The following GPC6 variants were observed in gnomAD, a reference collection of about 807,000 sequenced individuals.
The protein encoded by GPC6 is glypican-6.
In GPC6, 14 loss-of-function variants were observed where a neutral mutation model predicts 55.2. That is an observed-to-expected ratio of 0.25 (90% confidence interval 0.17 to 0.40). The LOEUF (loss-of-function observed/expected upper bound fraction) is 0.40. GPC6 is among the 10% of genes least tolerant of loss of function. The pLI is 1.00. For synonymous variants in GPC6, 278 were observed against 259.6 expected (o/e 1.07, Z -0.68); for missense variants, 641 against 708.5 (o/e 0.90, Z 1.08).
At chr13:93,421,847 A>G (rs778438365) in intron 1 of GPC6, among the ~76,000 whole-genome samples, 9 of 152,178 alleles carry the variant, frequency 5.9e-5, no homozygotes, top group Non-Finnish European at 1.3e-4. Flanking sequence ...AACTGTTATT[A>G]AAGTGGATGC....
intron 2 of GPC6, among the ~76,000 whole-genome samples, chr13:93,817,898 A>C (rs1275689867): frequency 6.7e-6 from 1 of 149,006 alleles, no homozygotes; most frequent in Non-Finnish European, 1.5e-5. Flanking sequence ...AGATAGATAT[A>C]AATTTATAAA....
At chr13:93,570,866 G>C (rs1226347375) in intron 2 of GPC6, among the ~76,000 whole-genome samples, 1 of 152,022 alleles carries the variant, frequency 6.6e-6, no homozygotes, top group Non-Finnish European at 1.5e-5. Flanking sequence ...CTAATACTGA[G>C]AGAAACAATA....
intron 1 of GPC6, among the ~76,000 whole-genome samples, chr13:93,451,511 T>C (rs1878221850): frequency 6.6e-6 from 1 of 152,226 alleles, no homozygotes; most frequent in African/African-American, 2.4e-5. Context: ...TTATATAATA[T>C]TTAAATTTCA....
intron 7 of GPC6, among the ~76,000 whole-genome samples, chr13:94,390,821 C>G (rs1880611263): frequency 6.6e-6 from 1 of 152,160 alleles, no homozygotes; most frequent in African/African-American, 2.4e-5. Context: ...AGAGAGAGGA[C>G]CCCATAAAGT....
At chr13:94,301,000 A>G (rs1024079164) in intron 5 of GPC6, among the ~76,000 whole-genome samples, 12 of 152,140 alleles carry the variant, frequency 7.9e-5, no homozygotes, top group African/African-American at 2.7e-4. Context: ...CCACCTTCAC[A>G]GTATATCTCA....
At chr13:93,969,648 A>T (rs1250728532) in intron 3 of GPC6, among the ~76,000 whole-genome samples, 1 of 151,962 alleles carries the variant, frequency 6.6e-6, no homozygotes, top group Non-Finnish European at 1.5e-5. Flanking sequence ...AAAATATACT[A>T]TCTTTACCAT....
chr13:94,143,392 T>C (rs933497580), intron 4 of GPC6, among the ~76,000 whole-genome samples: 6 of 152,178 alleles, frequency 3.9e-5, no homozygotes, highest in Admixed American at 6.5e-5. Flanking sequence ...TATTTCTATA[T>C]AGGCAGTGTT....
At chr13:93,747,512 A>G (rs1208868849) in intron 2 of GPC6, among the ~76,000 whole-genome samples, 1 of 152,212 alleles carries the variant, frequency 6.6e-6, no homozygotes, top group Non-Finnish European at 1.5e-5. Context: ...TCGCATTCCC[A>G]TCATCCAGCA....
chr13:93,698,931 T>G, intron 2 of GPC6, among the ~76,000 whole-genome samples: 1 of 151,960 alleles, frequency 6.6e-6, no homozygotes, highest in East Asian at 1.9e-4. Context: ...GGTGGGTGGC[T>G]TCTGTTATAT....
chr13:93,280,043 A>AT (rs1390108060), intron 1 of GPC6, among the ~76,000 whole-genome samples: 3 of 152,164 alleles, frequency 2.0e-5, no homozygotes, highest in African/African-American at 7.2e-5. Flanking sequence ...TTAGAGGGTA[A>AT]TGCCAAGTCA....
chr13:94,144,404 A>AACAC (rs59772537), intron 4 of GPC6, among the ~76,000 whole-genome samples: 4,176 of 143,296 alleles, frequency 0.029, 98 homozygotes, highest in Non-Finnish European at 0.033. Context: ...GTGCTTTTAA[A>AACAC]ACACACACAC....
At chr13:93,478,490 CA>C (rs1255482507) in intron 1 of GPC6, among the ~76,000 whole-genome samples, 2 of 152,006 alleles carry the variant, frequency 1.3e-5, no homozygotes, top group Non-Finnish European at 2.9e-5. Context: ...CATAATTTAC[CA>C]GAAAAAAATT....
intron 2 of GPC6, among the ~76,000 whole-genome samples, chr13:93,701,997 T>A (rs1882685577): frequency 6.6e-6 from 1 of 152,072 alleles, no homozygotes; most frequent in South Asian, 2.1e-4. Flanking sequence ...ACCTCTTCCA[T>A]GAATTATAAA....
Position 93,961,953 on chromosome 13 carries a change from C to T in GPC6, c.712-65776C>T, listed in dbSNP as rs1041719507. Among the ~76,000 whole-genome samples the T allele has an allele frequency of 2.6e-5, 4 of 152,108 alleles. 1 individual carries two copies. Among genetic ancestry groups the T allele is most frequent in the South Asian group, 4.1e-4 (2 of 4,832 alleles). Reference sequence around the variant, plus strand: ...GCTAATATTAACAGCATCTGTAGTTCGTTGCTGTTCAAGACTCAACTATTC... The same window carrying T: ...GCTAATATTAACAGCATCTGTAGTTTGTTGCTGTTCAAGACTCAACTATTC... On this transcript the variant is annotated intron_variant, in intron 3 of 8. Transcript: ENST00000377047.
chr13:93,375,061 A>T (rs923852526), intron 1 of GPC6, among the ~76,000 whole-genome samples: 6 of 152,170 alleles, frequency 3.9e-5, no homozygotes, highest in Admixed American at 3.9e-4. Flanking sequence ...GCTTCGTGCC[A>T]CTTCTGTCTT....
chr13:93,627,190 T>C (rs901308759), intron 2 of GPC6, among the ~76,000 whole-genome samples: 1 of 151,952 alleles, frequency 6.6e-6, no homozygotes, highest in Admixed American at 6.6e-5. Context: ...TGTGTGATGT[T>C]CCCCTCCCTG....
At chr13:93,217,673 G>A in the GPC6 span, among the ~76,000 whole-genome samples, 13,448 of 152,196 alleles carry the variant, frequency 0.088, 854 homozygotes, top group East Asian at 0.3. Flanking sequence ...AACCCTCCAT[G>A]GGGTTTGAAA....
intron 6 of GPC6, among the ~76,000 whole-genome samples, chr13:94,378,201 AAAT>A (rs530949186): frequency 3.2e-4 from 48 of 151,710 alleles, no homozygotes; most frequent in African/African-American, 9.9e-4. Context: ...TATAATAATA[AAAT>A]AATAATAATA....
At chr13:94,050,034 C>G (rs1883885676) in intron 4 of GPC6, among the ~76,000 whole-genome samples, 1 of 152,092 alleles carries the variant, frequency 6.6e-6, no homozygotes, top group Non-Finnish European at 1.5e-5. Context: ...TCACCTTCAC[C>G]ATGATTGTGA....
Sources: allele counts gnomAD v4.1 joint callset (sites outside exome capture counted in the v4.1 genomes callset), GRCh38; gene constraint gnomAD v4.1.1; transcripts MANE v1.5; gene names NCBI Gene and HGNC (gene_info 2026-07-23, HGNC 2026-07-21).